The following UBE2G1 variants were observed in gnomAD, a reference collection of about 807,000 sequenced individuals.
The protein encoded by UBE2G1 is ubiquitin-conjugating enzyme E2 G1.
A neutral mutation model predicts 22.7 loss-of-function variants in UBE2G1; 5 were observed. The observed-to-expected ratio is 0.22, with a 90% CI of 0.12 to 0.46. The LOEUF is 0.46. Among genes scored for constraint, UBE2G1 ranks in the 20% least tolerant of loss-of-function variants. UBE2G1 has a pLI of 0.99. For missense variants in UBE2G1, 88 were observed against 203.9 expected (o/e 0.43, Z 3.46); for synonymous variants, 74 against 67.5 (o/e 1.10, Z -0.47).
intron 1 of UBE2G1, among the ~76,000 whole-genome samples, chr17:4,333,331 G>A (rs1555522440): frequency 6.6e-6 from 1 of 152,048 alleles, no homozygotes; most frequent in South Asian, 2.1e-4. Context: ...TAAAAGAAGA[G>A]AAGAAAAAAA....
intron 1 of UBE2G1, among the ~76,000 whole-genome samples, chr17:4,348,758 G>A (rs1969810323): frequency 6.6e-6 from 1 of 151,356 alleles, no homozygotes; most frequent in Non-Finnish European, 1.5e-5. Context: ...GTACTCAGGA[G>A]GCTGAGGCAC....
intron 2 of UBE2G1, among the ~76,000 whole-genome samples, chr17:4,297,198 C>T (rs988370341): frequency 3.3e-5 from 5 of 152,214 alleles, no homozygotes; most frequent in Non-Finnish European, 7.3e-5. Flanking sequence ...TCTTTCTATT[C>T]CTCAAACACA....
chr17:4,326,522 T>C (rs1969505579), intron 1 of UBE2G1, among the ~76,000 whole-genome samples: 1 of 152,200 alleles, frequency 6.6e-6, no homozygotes. Context: ...AAAGGCGGCA[T>C]GGCATGTCCT....
intron 1 of UBE2G1, among the ~76,000 whole-genome samples, chr17:4,328,337 T>C (rs1456112210): frequency 1.3e-5 from 2 of 152,222 alleles, no homozygotes; most frequent in South Asian, 2.1e-4. Context: ...TGTTTTATGT[T>C]GTCCAAAATA....
chr17:4,284,849 T>C (rs1226697147), intron 4 of UBE2G1, among the ~76,000 whole-genome samples: 11 of 137,746 alleles, frequency 8.0e-5, no homozygotes, highest in African/African-American at 1.6e-4. Flanking sequence ...TTTTTTTTTT[T>C]TTTTTTTTTT....
At position 4,353,188 on chromosome 17, in the gene UBE2G1, A is replaced by C. The variant is rs368176104; in HGVS notation, c.46+13083T>G. ...AGCCGAGATCACGCCACTGCACTCC[A>C]GCCTGGGCGACAGAGTGAGACTCCA... On this transcript the variant is annotated intron_variant, in intron 1 of 5. Coordinates refer to ENST00000396981, the MANE Select transcript of UBE2G1 (RefSeq NM_003342.5). 3.9e-5 allele frequency among the ~76,000 whole-genome samples: 6 copies of C among 152,204 alleles called. No individual in the cohort carries two copies. The East Asian group carries it at 9.7e-4, about 24-fold the overall frequency.
intron 1 of UBE2G1, among the ~76,000 whole-genome samples, chr17:4,340,573 G>A (rs915892819): frequency 6.6e-6 from 1 of 151,978 alleles, no homozygotes; most frequent in Non-Finnish European, 1.5e-5. Context: ...GCTTTTCCCC[G>A]CTTCGCACTG....
intron 3 of UBE2G1, among the ~76,000 whole-genome samples, chr17:4,293,333 T>C (rs937254923): frequency 6.6e-6 from 1 of 152,238 alleles, no homozygotes; most frequent in African/African-American, 2.4e-5. Context: ...CTTTCTTTTC[T>C]TTAGAAAACA....
intron 1 of UBE2G1, among the ~76,000 whole-genome samples, chr17:4,324,253 T>G (rs1192260866): frequency 6.6e-6 from 1 of 152,174 alleles, no homozygotes; most frequent in Non-Finnish European, 1.5e-5. Context: ...CTGCACTTTC[T>G]AATATAATAG....
At chr17:4,329,509 G>A (rs1281645607) in intron 1 of UBE2G1, among the ~76,000 whole-genome samples, 1 of 151,346 alleles carries the variant, frequency 6.6e-6, no homozygotes, top group Admixed American at 6.6e-5. Flanking sequence ...AGTGAGCTGA[G>A]ATGGCACCAC....
intron 1 of UBE2G1, chr17:4,335,350 C>T (rs1208700987): frequency 2.0e-5 from 3 of 152,138 alleles, no homozygotes; most frequent in African/African-American, 7.2e-5. Context: ...AACAGTCAGG[C>T]TGGCCCCAGA....
chr17:4,302,623 T>G (rs1258930918), intron 2 of UBE2G1: 3 of 365,734 alleles, frequency 8.2e-6, no homozygotes, highest in South Asian at 7.6e-5. Flanking sequence ...TACTCTATTT[T>G]GTGAATCATG....
rs1969736712 is a variant in UBE2G1, at chr17:4,343,681, TG to T, written c.46+22589del. On this transcript the variant is annotated intron_variant, in intron 1 of 5. Coordinates refer to ENST00000396981, the MANE Select transcript of UBE2G1 (RefSeq NM_003342.5). ...TCGGCTCACTGCAAGCTCCGCCTCC[TG>T]GGTTCACGCCATTCTCCTGCCTCAG... is the stretch of plus-strand genomic sequence containing the variant. 3.3e-5 allele frequency among the ~76,000 whole-genome samples: 5 copies of T among 151,850 alleles called. No homozygotes were observed. The South Asian group carries it at 8.3e-4, about 25-fold the overall frequency.
chr17:4,348,208 T>C (rs79624349), intron 1 of UBE2G1, among the ~76,000 whole-genome samples: 3,707 of 151,566 alleles, frequency 0.024, 164 homozygotes, highest in African/African-American at 0.084. Context: ...CAGTGAGCTA[T>C]AACCACACCA....
chr17:4,352,417 T>C (rs992902418), intron 1 of UBE2G1, among the ~76,000 whole-genome samples: 2 of 152,040 alleles, frequency 1.3e-5, no homozygotes, highest in Admixed American at 6.6e-5. Flanking sequence ...AATGACAAGT[T>C]TGAAGATTAA....
At chr17:4,283,019 T>C (rs1968913100) in intron 4 of UBE2G1, 98 bp from the exon 5 acceptor site, 10 of 1,019,406 alleles carry the variant, frequency 9.8e-6, no homozygotes, top group African/African-American at 3.3e-5. Flanking sequence ...CTTGGTGATT[T>C]GTACACTTCA....
intron 1 of UBE2G1, among the ~76,000 whole-genome samples, chr17:4,311,866 T>C (rs1211382306): frequency 1.3e-5 from 2 of 152,018 alleles, no homozygotes; most frequent in African/African-American, 4.8e-5. Context: ...ATGAGAAACA[T>C]AGGAGGAGGT....
intron 2 of UBE2G1, among the ~76,000 whole-genome samples, chr17:4,303,927 A>G (rs1969219395): frequency 6.6e-6 from 1 of 152,230 alleles, no homozygotes. Context: ...ACTGGTGATG[A>G]AAGGAAAAGA....
chr17:4,293,489 C>T (rs1473603972), intron 3 of UBE2G1, among the ~76,000 whole-genome samples: 1 of 152,150 alleles, frequency 6.6e-6, no homozygotes, highest in African/African-American at 2.4e-5. Context: ...TGTGAACACT[C>T]GTGTTCGAGT....
Sources: allele counts gnomAD v4.1 joint callset (sites outside exome capture counted in the v4.1 genomes callset), GRCh38; gene constraint gnomAD v4.1.1; transcripts MANE v1.5; gene names NCBI Gene and HGNC (gene_info 2026-07-23, HGNC 2026-07-21).